KRT84: variants seen among roughly 807,000 people sequenced by gnomAD.
The protein encoded by KRT84 is keratin, type II cuticular Hb4.
KRT84 carries 38 observed loss-of-function variants against 49.0 expected under a neutral mutation model. That is an observed-to-expected ratio of 0.78 (90% CI 0.60 to 1.02). The LOEUF is 1.02. Among genes scored for constraint, KRT84 ranks in the 50% least tolerant of loss-of-function variants. The probability of loss-of-function intolerance (pLI) is 0.00; values close to 1 mark genes in which losing one functional copy is unlikely to be tolerated. For synonymous variants in KRT84, 334 were observed against 312.8 expected (o/e 1.07, Z -0.72); for missense variants, 860 against 788.6 (o/e 1.09, Z -1.08).
rs1939560094 is a variant in KRT84, at chr12:52,385,485, T to C, written c.101A>G (p.Asn34Ser). 1.2e-6 allele frequency: 2 copies of C among 1,614,144 alleles called. No homozygotes were observed. Among genetic ancestry groups the C allele is most frequent in the Non-Finnish European group, 1.7e-6 (2 of 1,180,026 alleles). ...AGGCCCACTCCAACAGGAGACAGAG[T>C]TGGCCCGGAAGCGATTCAGGTTCTG... Reference protein sequence around the residue: ...TPQNLNRFRANSVSCWSGPGF... With the variant: ...TPQNLNRFRASSVSCWSGPGF... Residue 34 changes from asparagine (N) to serine (S), a missense_variant, in exon 1 of 9, where the codon AAC (asparagine) becomes AGC (serine). Transcript: ENST00000257951.
chr12:52,378,751 G>A (rs1732286), intron 8 of KRT84, among the ~76,000 whole-genome samples: 48,746 of 152,016 alleles, frequency 0.32, 9,830 homozygotes, highest in African/African-American at 0.57. Context: ...AAAGCCATGG[G>A]CCTTTTCTCT....
rs145058561 is a variant in KRT84 at position 52,383,373 on chromosome 12, G to A, written c.755+217C>T. 1.2e-3 allele frequency among the ~76,000 whole-genome samples: 176 copies of A among 152,260 alleles called. 2 individuals carry two copies. The highest frequency in any genetic ancestry group is 4.2e-3 in the African/African-American group (174 of 41,550). On this transcript the variant is annotated intron_variant, in intron 2 of 8. Transcript: ENST00000257951. ...TGCATTTGACTATAGAGCAAGTAGG[G>A]CCCAACTGAAAAAGATACTGAACAT... is the stretch of plus-strand genomic sequence containing the variant.
At chr12:52,385,973 CTG>C (rs1565777711), upstream of KRT84, among the ~76,000 whole-genome samples, 1 of 152,148 alleles carries the variant, frequency 6.6e-6, no homozygotes, top group Non-Finnish European at 1.5e-5. Context: ...GGTTTTTTCA[CTG>C]TGAGTGTGGC....
chr12:52,382,302 T>C, intron 4 of KRT84, 135 bp downstream of exon 4: 1 of 640,504 alleles, frequency 1.6e-6, no homozygotes, highest in Non-Finnish European at 2.8e-6. Context: ...TTGGCATATA[T>C]AGCATACAGA....
intron 7 of KRT84, 150 bp downstream of exon 7, chr12:52,380,213 C>A: frequency 1.0e-6 from 1 of 993,194 alleles, no homozygotes; most frequent in Non-Finnish European, 1.5e-6. Flanking sequence ...GATTCCCTGA[C>A]AAGGGCAATG....
Position 52,378,365 on chromosome 12 carries a change from C to G in KRT84, c.1472G>C (p.Arg491Pro), listed in dbSNP as rs373302360. The change falls in exon 9 of 9, where the codon CGG becomes CCG. Residue 491 changes from arginine to proline, a missense_variant. Coordinates refer to ENST00000257951, the MANE Select transcript of KRT84 (RefSeq NM_033045.4). ...CTCAGGCCCGCACACCAGGCCGCCC[C>G]GGGAGCTGCTGACGGCTGCGGAGAA... Reference protein sequence around the residue: ...GPVNISVSSSRGGLVCGPEPL... With the variant: ...GPVNISVSSSPGGLVCGPEPL... 3 of 1,467,530 alleles carry G rather than the reference C, an allele frequency of 2.0e-6. No homozygotes were observed. Among genetic ancestry groups the G allele is most frequent in the Non-Finnish European group, 2.7e-6 (3 of 1,112,886 alleles). 90.9% of individuals were successfully genotyped at this position (1,467,530 alleles called of 1,614,324 possible).
In KRT84 at chr12:52,385,035, G is replaced by T. The variant is rs745610960; in HGVS notation, c.546+5C>A. 1.3e-5 allele frequency: 21 copies of T among 1,603,618 alleles called. No homozygotes were observed. The Admixed American group carries it at 3.6e-4, about 27-fold the overall frequency. ...TAGACCCAGAGATTCAGCTATCATA[G>T]GTACCTTGTCAATGAAGGAGGCAAA... On this transcript the variant is annotated splice_donor_5th_base_variant and intron_variant, in intron 1 of 8. Transcript: ENST00000257951.
Position 52,380,372 on chromosome 12 carries a change from T to C in KRT84, c.1415A>G (p.Glu472Gly). 1.2e-6 allele frequency: 2 copies of C among 1,613,962 alleles called. No homozygotes were observed. The highest frequency in any genetic ancestry group is 1.7e-6 in the Non-Finnish European group (2 of 1,179,996). ...GACTGAGAGTACTCACCGGCTCTCC[T>C]CGCCCTCCAGCAGGCGCCTGTAGGT... ...IATYRRLLEG[E>G]ESRLCEGVGP... The change falls in exon 7 of 9, where the codon GAG (glutamate) becomes GGG (glycine). Residue 472 changes from glutamate (E) to glycine (G), a missense_variant. Coordinates refer to ENST00000257951, the MANE Select transcript of KRT84 (RefSeq NM_033045.4).
intron 1 of KRT84, 42 bp from the exon 2 acceptor site, chr12:52,383,840 T>G (rs752323009): frequency 1.4e-5 from 21 of 1,539,316 alleles, no homozygotes; most frequent in Non-Finnish European, 1.9e-5. Context: ...AAGTGCTTGA[T>G]AGGGTTCATG....
At position 52,385,203 on chromosome 12, in the gene KRT84, C is replaced by T. The variant is rs1308162187; in HGVS notation, c.383G>A (p.Gly128Glu). 1 of 1,612,302 alleles carries T rather than the reference C, an allele frequency of 6.2e-7. No homozygotes were observed. The highest frequency in any genetic ancestry group is 1.7e-5 in the Admixed American group (1 of 59,958). The change falls in exon 1 of 9, where the codon GGG (glycine) becomes GAG (glutamate). Residue 128 changes from glycine to glutamate, a missense_variant. Transcript: ENST00000257951. ...AGATGGGGCTGCTGGGACTCCAACC[C>T]CTCCAACTCTGTAACCAAAGCCAGG... is the stretch of plus-strand genomic sequence containing the variant. ...GGPGFGYRVGGVGVPAAPSIT... is the reference protein window; with the variant it reads ...GGPGFGYRVGEVGVPAAPSIT...
At chr12:52,382,017 C>T (rs1012895527) in intron 4 of KRT84, among the ~76,000 whole-genome samples, 3 of 152,222 alleles carry the variant, frequency 2.0e-5, no homozygotes, top group African/African-American at 7.2e-5. Flanking sequence ...TCACTTAGAG[C>T]TAGCAATTCA....
Position 52,385,351 on chromosome 12 carries a change from A to C in KRT84, c.235T>G (p.Phe79Val). The C allele has an allele frequency of 1.2e-6, 2 of 1,614,110 alleles. No individual in the cohort carries two copies. Among genetic ancestry groups the C allele is most frequent in the South Asian group, 2.2e-5 (2 of 91,070 alleles). Residue 79 changes from phenylalanine (F) to valine (V), a missense_variant, in exon 1 of 9, where the codon TTT becomes GTT. Transcript: ENST00000257951. ...AAACCCATCCCACAGCCAGCACCAA[A>C]GCGGACTCCACAGTGGATGGGCCGA... Reference protein sequence around the residue: ...GSRPIHCGVRFGAGCGMGFGD... With the variant: ...GSRPIHCGVRVGAGCGMGFGD...
upstream of KRT84, among the ~76,000 whole-genome samples, chr12:52,386,353 A>C (rs568439763): frequency 6.6e-6 from 1 of 151,310 alleles, no homozygotes; most frequent in South Asian, 2.1e-4. Flanking sequence ...TTACAAAGAC[A>C]GTCTCTATCT....
rs1487329259 is a variant in KRT84, at chr12:52,383,673, C to T, written c.672G>A (p.Gln224=). The change falls in exon 2 of 9, where the codon CAG becomes CAA. Residue 224 remains glutamine, a synonymous_variant. Transcript: ENST00000257951. ...CCTGATCACTGACCAGCACCTCCAA[C>T]TGCCTCCGCAGGTTGGTGATGTAGC... ...FESYITNLRR[Q]LEVLVSDQAR... 6.2e-7 allele frequency: 1 copy of T among 1,614,208 alleles called. No individual in the cohort carries two copies. Among genetic ancestry groups the T allele is most frequent in the Non-Finnish European group, 8.5e-7 (1 of 1,180,040 alleles).
chr12:52,385,575 C>G lies in KRT84; in HGVS notation c.11G>C (p.Arg4Pro), dbSNP rs749243942. 6 of 1,612,492 alleles carry G rather than the reference C, an allele frequency of 3.7e-6. No homozygotes were observed. Among genetic ancestry groups the G allele is most frequent in the Non-Finnish European group, 4.2e-6 (5 of 1,179,054 alleles). Reference protein sequence around the residue: MSCRSYRVSSGHRV... With the variant: MSCPSYRVSSGHRV... ...GTGACCAGAGCTGACTCGGTAGGAG[C>G]GGCAAGACATGATGGCTTCCTGGTT... The change falls in exon 1 of 9, where the codon CGC becomes CCC. Residue 4 changes from arginine (R) to proline (P), a missense_variant. Coordinates refer to ENST00000257951, the MANE Select transcript of KRT84 (RefSeq NM_033045.4).
In KRT84 at chr12:52,378,168, G is replaced by C; in HGVS notation, c.1669C>G (p.Leu557Val). The change falls in exon 9 of 9, where the codon CTC (leucine) becomes GTC (valine). Residue 557 changes from leucine to valine, a missense_variant. By Grantham distance (32) the Leu-to-Val change is conservative (BLOSUM62 1). Coordinates refer to ENST00000257951, the MANE Select transcript of KRT84 (RefSeq NM_033045.4). ...CTGGGGACACAGGCCTCGCTGATGA[G>C]CATGGAGCCACTCCTTGTGCCAGTG... ...LSTGTRSGSM[L>V]ISEACVPSVP... 1 of 1,578,714 alleles carries C rather than the reference G, an allele frequency of 6.3e-7. No individual in the cohort carries two copies. Among genetic ancestry groups the C allele is most frequent in the Non-Finnish European group, 8.6e-7 (1 of 1,163,654 alleles).
chr12:52,378,825 C>A (rs1021721840), intron 8 of KRT84, among the ~76,000 whole-genome samples: 2 of 152,212 alleles, frequency 1.3e-5, no homozygotes, highest in Non-Finnish European at 2.9e-5. Context: ...CAGGAAACCC[C>A]TCCAACACTA....
Position 52,383,693 on chromosome 12 carries a change from T to C in KRT84, c.652A>G (p.Ile218Val). The change falls in exon 2 of 9, where the codon ATC becomes GTC. Residue 218 changes from isoleucine to valine, a missense_variant. Physicochemically the swap from Ile to Val is conservative, Grantham distance 29. Transcript: ENST00000257951. ...SNLEPLFESY[I>V]TNLRRQLEVL... is the part of the protein sequence containing the mutation. Reference sequence around the variant, plus strand: ...TCCAACTGCCTCCGCAGGTTGGTGATGTAGCTCTCGAAGAGTGGCTCCAGA... The same window carrying C: ...TCCAACTGCCTCCGCAGGTTGGTGACGTAGCTCTCGAAGAGTGGCTCCAGA... 1.9e-6 allele frequency: 3 copies of C among 1,614,216 alleles called. No homozygotes were observed. Among genetic ancestry groups the C allele is most frequent in the Non-Finnish European group, 2.5e-6 (3 of 1,180,024 alleles).
At position 52,385,481 on chromosome 12, in the gene KRT84, A is replaced by C. The variant is rs769791712; in HGVS notation, c.105T>G (p.Ser35=). 3.1e-6 allele frequency: 5 copies of C among 1,614,258 alleles called. No individual in the cohort carries two copies. The highest frequency in any genetic ancestry group is 4.2e-6 in the Non-Finnish European group (5 of 1,180,052). The change falls in exon 1 of 9, where the codon TCT becomes TCG. Residue 35 remains serine (S), a synonymous_variant. Coordinates refer to ENST00000257951, the MANE Select transcript of KRT84 (RefSeq NM_033045.4). The part of the protein sequence containing the change: ...PQNLNRFRAN[S]VSCWSGPGFR... ...ATCCAGGCCCACTCCAACAGGAGAC[A>C]GAGTTGGCCCGGAAGCGATTCAGGT...
Sources: gnomAD v4.1 joint callset for allele counts (sites outside exome capture counted in the v4.1 genomes callset) on GRCh38, gnomAD v4.1.1 for gene constraint, MANE v1.5 for transcripts, NCBI Gene and HGNC (gene_info 2026-07-23, HGNC 2026-07-21) for gene names.